The following ATP8B4 variants were observed in gnomAD, a reference collection of about 807,000 sequenced individuals.
ATP8B4 encodes the protein ATPase phospholipid transporting 8B4 (putative).
A neutral mutation model predicts 145.6 loss-of-function variants in ATP8B4; 133 were observed. The observed-to-expected ratio is 0.91, with a 90% CI of 0.79 to 1.05. The LOEUF is 1.05. Among genes scored for constraint, ATP8B4 ranks in the 50% least tolerant of loss-of-function variants. The pLI is 0.00. For missense variants in ATP8B4, 1,458 were observed against 1,425.2 expected (o/e 1.02, Z -0.37); for synonymous variants, 507 against 492.9 (o/e 1.03, Z -0.38).
intron 2 of ATP8B4, among the ~76,000 whole-genome samples, chr15:50,105,163 G>A (rs139320182): frequency 2.7e-4 from 41 of 151,178 alleles, no homozygotes; most frequent in African/African-American, 8.7e-4. Context: ...ATACTGCTCA[G>A]GTGATGGGTG....
chr15:50,165,459 A>G (rs1217760957), intron 1 of ATP8B4, among the ~76,000 whole-genome samples: 1 of 152,014 alleles, frequency 6.6e-6, no homozygotes, highest in Non-Finnish European at 1.5e-5. Flanking sequence ...TAGCTGCTCA[A>G]TTTGGTGTTC....
At chr15:50,161,532 GTTT>G (rs1432701806) in intron 1 of ATP8B4, among the ~76,000 whole-genome samples, 2 of 151,604 alleles carry the variant, frequency 1.3e-5, no homozygotes, top group African/African-American at 2.4e-5. Flanking sequence ...TCTGTTGTAA[GTTT>G]TTTTATTTGA....
intron 9 of ATP8B4, among the ~76,000 whole-genome samples, chr15:49,994,899 A>G (rs80283848): frequency 0.063 from 9,572 of 152,192 alleles, 348 homozygotes; most frequent in South Asian, 0.12. Context: ...CCAATGAACT[A>G]TAAGAGGAAG....
chr15:49,961,979 G>A lies in ATP8B4; in HGVS notation c.1285C>T (p.Gln429Ter). The change falls in exon 14 of 28, where the codon CAG becomes TAG. Residue 429 changes from glutamine (Q) to a stop codon, truncating the protein, a stop_gained and splice_region_variant. Transcript: ENST00000284509. LOFTEE classifies it high-confidence loss of function. ...ATAAAATTTTATCACTTCCACACCT[G>A]AGTTATTTCTGTCTTCTGATCCAGG... ...DDLDQKTEIT[Q>*]EKEPVDFSVK... 6.3e-7 allele frequency: 1 copy of A among 1,594,456 alleles called. No homozygotes were observed. Among genetic ancestry groups the A allele is most frequent in the Non-Finnish European group, 8.5e-7 (1 of 1,173,176 alleles).
At chr15:49,950,795 G>A (rs1484689925) in intron 14 of ATP8B4, among the ~76,000 whole-genome samples, 3 of 151,996 alleles carry the variant, frequency 2.0e-5, no homozygotes, top group Non-Finnish European at 4.4e-5. Flanking sequence ...TAATGTTAGG[G>A]TGTTGATTTG....
intron 17 of ATP8B4, among the ~76,000 whole-genome samples, 184 bp from the exon 18 acceptor site, chr15:49,920,594 C>T (rs186825355): frequency 2.0e-5 from 3 of 152,174 alleles, no homozygotes; most frequent in Non-Finnish European, 4.4e-5. Context: ...GTGTGTTTTC[C>T]GTTTTATTTC....
chr15:50,142,809 T>G (rs891029282), intron 1 of ATP8B4, among the ~76,000 whole-genome samples: 17 of 152,098 alleles, frequency 1.1e-4, no homozygotes. Flanking sequence ...CCAAAGTCAG[T>G]AGGCATGCAG....
At chr15:50,049,820 TTTC>T (rs1427860902) in intron 3 of ATP8B4, among the ~76,000 whole-genome samples, 1 of 152,210 alleles carries the variant, frequency 6.6e-6, no homozygotes, top group Non-Finnish European at 1.5e-5. Context: ...GTTATTTTTT[TTTC>T]TTTTTTTACT....
At chr15:50,118,988 T>C (rs2057230027) in intron 1 of ATP8B4, 135 bp downstream of exon 1, 1 of 152,168 alleles carries the variant, frequency 6.6e-6, no homozygotes, top group African/African-American at 2.4e-5. Flanking sequence ...AGAATATTTG[T>C]GAAACCTTAG....
At chr15:50,014,182 A>C (rs554763058) in intron 6 of ATP8B4, among the ~76,000 whole-genome samples, 1 of 152,270 alleles carries the variant, frequency 6.6e-6, no homozygotes, top group South Asian at 2.1e-4. Context: ...TTGGGGTACT[A>C]GAGAGAGTAG....
intron 3 of ATP8B4, among the ~76,000 whole-genome samples, chr15:50,061,216 A>AT (rs1166648900): frequency 2.0e-5 from 3 of 151,972 alleles, no homozygotes; most frequent in Admixed American, 1.3e-4. Context: ...GAAAAATCAG[A>AT]TTTTTTTCCC....
Position 49,876,338 on chromosome 15 carries a change from A to G in ATP8B4, c.2967T>C (p.Ala989=). The change falls in exon 25 of 28, where the codon GCT becomes GCC. Residue 989 remains alanine (A), a synonymous_variant. Transcript: ENST00000284509. ...NVAGEDGQHI[A]DYQSFAVTMA... ...TGGTAACTGCAAAGGACTGGTAGTC[A>G]GCAATATGTTGCCCATCTTCTCCAG... 5.0e-6 allele frequency: 8 copies of G among 1,614,144 alleles called. No homozygotes were observed. Among genetic ancestry groups the G allele is most frequent in the Non-Finnish European group, 6.8e-6 (8 of 1,179,988 alleles).
At chr15:50,083,087 T>C (rs11632040) in intron 2 of ATP8B4, among the ~76,000 whole-genome samples, 10,187 of 152,126 alleles carry the variant, frequency 0.067, 456 homozygotes, top group Middle Eastern at 0.11. Flanking sequence ...AATGCAATAC[T>C]CCAGATGTAC....
chr15:50,108,200 G>T (rs981109124), intron 1 of ATP8B4, among the ~76,000 whole-genome samples: 2 of 151,756 alleles, frequency 1.3e-5, no homozygotes, highest in Admixed American at 1.3e-4. Flanking sequence ...TCCTAGCCCC[G>T]CCTCTCTACT....
Position 49,866,358 on chromosome 15 carries a change from A to G in ATP8B4, c.3154T>C (p.Phe1052Leu), listed in dbSNP as rs755057993. ...NGIFGIFPNQFPFVGNARHSL... is the reference protein window; with the variant it reads ...NGIFGIFPNQLPFVGNARHSL... ...ATGACTCACTTACCAACAAATGGAA[A>G]CTGGTTTGGGAAGATGCCAAAGATG... Residue 1052 changes from phenylalanine (F) to leucine (L), a missense_variant, in exon 26 of 28, where the codon TTT (phenylalanine) becomes CTT (leucine). Transcript: ENST00000284509. The G allele has an allele frequency of 6.2e-6, 10 of 1,613,726 alleles. No individual in the cohort carries two copies. The highest frequency in any genetic ancestry group is 1.3e-5 in the African/African-American group (1 of 74,930).
intron 2 of ATP8B4, among the ~76,000 whole-genome samples, chr15:50,077,907 C>G (rs2054286735): frequency 6.6e-6 from 1 of 152,100 alleles, no homozygotes; most frequent in Non-Finnish European, 1.5e-5. Flanking sequence ...CTAACACACA[C>G]AGAAAAGCCT....
intron 23 of ATP8B4, among the ~76,000 whole-genome samples, chr15:49,892,411 A>G (rs73396954): frequency 0.017 from 2,611 of 152,324 alleles, 87 homozygotes; most frequent in African/African-American, 0.06. Flanking sequence ...TTTGATATAT[A>G]AAATGGGTAT....
chr15:49,912,220 T>C (rs932855811), intron 20 of ATP8B4, among the ~76,000 whole-genome samples: 3 of 151,712 alleles, frequency 2.0e-5, no homozygotes, highest in Non-Finnish European at 4.4e-5. Context: ...ATACAAAGGA[T>C]CAATGAAATG....
At chr15:50,147,135 G>C (rs536797517) in intron 1 of ATP8B4, among the ~76,000 whole-genome samples, 1 of 152,268 alleles carries the variant, frequency 6.6e-6, no homozygotes, top group East Asian at 1.9e-4. Flanking sequence ...CTATGTATTA[G>C]CCAGGCACGG....
Sources: gnomAD v4.1 joint callset for allele counts (sites outside exome capture counted in the v4.1 genomes callset) on GRCh38, gnomAD v4.1.1 for gene constraint, MANE v1.5 for transcripts, NCBI Gene and HGNC (gene_info 2026-07-23, HGNC 2026-07-21) for gene names.